Variants in SMAD3 observed in about 807,000 individuals in gnomAD.
SMAD3 encodes SMAD family member 3, also known as MAD homolog 3.
SMAD3 carries 12 observed loss-of-function variants against 51.8 expected under a neutral mutation model. The ratio of observed to expected loss-of-function variants is 0.23; its 90% CI spans 0.15 to 0.38. The LOEUF is 0.38. SMAD3 is among the 10% of genes least tolerant of loss of function. SMAD3 has a pLI of 1.00. For missense variants in SMAD3, 294 were observed against 565.6 expected, an observed-to-expected ratio of 0.52 and a Z score of 4.87; for synonymous variants, 238 against 227.7, an observed-to-expected ratio of 1.05 and a Z score of -0.41.
intron 1 of SMAD3, among the ~76,000 whole-genome samples, chr15:67,116,490 G>T (rs1169379119): frequency 2.0e-5 from 3 of 152,172 alleles, no homozygotes; most frequent in Non-Finnish European, 2.9e-5. Flanking sequence ...CTCACGGGGT[G>T]TGTGGACGTT....
At chr15:67,120,754 G>A (rs1961240003) in intron 1 of SMAD3, among the ~76,000 whole-genome samples, 1 of 152,224 alleles carries the variant, frequency 6.6e-6, no homozygotes, top group Admixed American at 6.5e-5. Context: ...TTCCTTTAGA[G>A]CAAGCTTGTC....
intron 5 of SMAD3, among the ~76,000 whole-genome samples, chr15:67,178,654 A>G (rs1962969864): frequency 7.1e-6 from 1 of 141,618 alleles, no homozygotes; most frequent in Non-Finnish European, 1.5e-5. Context: ...ACCACTCTGA[A>G]TGCTTGGGTT....
intron 5 of SMAD3, among the ~76,000 whole-genome samples, chr15:67,173,024 C>T (rs1278167708): frequency 2.0e-5 from 3 of 152,092 alleles, no homozygotes; most frequent in Non-Finnish European, 4.4e-5. Context: ...ACATAGCCAT[C>T]GAGGGGCTAC....
intron 7 of SMAD3, 149 bp downstream of exon 7, chr15:67,185,013 C>A: frequency 9.6e-7 from 1 of 1,038,408 alleles, no homozygotes; most frequent in Non-Finnish European, 1.4e-6. Flanking sequence ...TTTCTCTATG[C>A]CCACAGATCT....
intron 1 of SMAD3, among the ~76,000 whole-genome samples, chr15:67,092,275 T>C (rs765774291): frequency 2.0e-5 from 3 of 152,230 alleles, no homozygotes; most frequent in Non-Finnish European, 4.4e-5. Context: ...GGTGCAAGCC[T>C]GATGCTCTAA....
intron 1 of SMAD3, among the ~76,000 whole-genome samples, chr15:67,082,676 T>C (rs1350709378): frequency 6.6e-6 from 1 of 152,226 alleles, no homozygotes; most frequent in East Asian, 1.9e-4. Flanking sequence ...CGGACGGAAC[T>C]TTCTGCAGAT....
At chr15:67,100,314 A>G (rs765954092) in intron 1 of SMAD3, among the ~76,000 whole-genome samples, 23 of 152,092 alleles carry the variant, frequency 1.5e-4, no homozygotes, top group Admixed American at 4.6e-4. Context: ...CAGTATCCCC[A>G]TAGGCAAATT....
intron 7 of SMAD3, among the ~76,000 whole-genome samples, chr15:67,186,149 G>C (rs1471007820): frequency 6.6e-6 from 1 of 152,188 alleles, no homozygotes; most frequent in Admixed American, 6.5e-5. Flanking sequence ...CTGCCCAAGC[G>C]CACACAGCTA....
intron 1 of SMAD3, among the ~76,000 whole-genome samples, chr15:67,069,627 G>T (rs1960007111): frequency 6.6e-6 from 1 of 152,126 alleles, no homozygotes; most frequent in Non-Finnish European, 1.5e-5. Flanking sequence ...TCTTGTGTCA[G>T]AGCACCCAGT....
chr15:67,107,294 G>C (rs1013158707), intron 1 of SMAD3, among the ~76,000 whole-genome samples: 4 of 152,184 alleles, frequency 2.6e-5, no homozygotes, highest in Non-Finnish European at 5.9e-5. Flanking sequence ...AGGAAACCAA[G>C]AGAGAAGTAG....
chr15:67,152,179 G>GT (rs1197432304), intron 1 of SMAD3, among the ~76,000 whole-genome samples: 1 of 152,002 alleles, frequency 6.6e-6, no homozygotes, highest in Non-Finnish European at 1.5e-5. Flanking sequence ...CTTCTATTCT[G>GT]TTTTTACAAA....
In SMAD3 at chr15:67,165,368, C is replaced by T. The variant is rs776144459; in HGVS notation, c.516C>T (p.Pro172=). ...ENTNFPAGIE[P]QSNIPETPPP... is the part of the protein sequence containing the mutation. ...CTAACTTCCCCGCAGGCATCGAGCC[C>T]CAGAGCAATATTCCAGGTAGGCACG... is the stretch of plus-strand genomic sequence containing the variant. Residue 172 remains proline, a synonymous_variant, in exon 3 of 9, where the codon CCC becomes CCT. Transcript: ENST00000327367. The T allele has an allele frequency of 1.9e-6, 3 of 1,614,208 alleles. No individual in the cohort carries two copies. Among genetic ancestry groups the T allele is most frequent in the Non-Finnish European group, 2.5e-6 (3 of 1,180,036 alleles).
intron 6 of SMAD3, among the ~76,000 whole-genome samples, chr15:67,182,545 C>G (rs1963087276): frequency 6.6e-6 from 1 of 152,178 alleles, no homozygotes; most frequent in Non-Finnish European, 1.5e-5. Flanking sequence ...CAGGGCACCT[C>G]TGCACTCGCT....
At chr15:67,163,622 G>A (rs1962489119) in intron 1 of SMAD3, among the ~76,000 whole-genome samples, 1 of 152,152 alleles carries the variant, frequency 6.6e-6, no homozygotes, top group Non-Finnish European at 1.5e-5. Context: ...TTAGTAGGTT[G>A]GGGTAGGCGC....
intron 1 of SMAD3, among the ~76,000 whole-genome samples, chr15:67,151,876 TA>T (rs1219216337): frequency 6.6e-6 from 1 of 152,174 alleles, no homozygotes; most frequent in Non-Finnish European, 1.5e-5. Flanking sequence ...TGAATGTTAC[TA>T]TGTATGTTAC....
At chr15:67,133,472 G>A (rs1035609076) in intron 1 of SMAD3, among the ~76,000 whole-genome samples, 2 of 151,872 alleles carry the variant, frequency 1.3e-5, no homozygotes, top group Non-Finnish European at 2.9e-5. Context: ...TAAAAACAAT[G>A]AGAAGGCAAA....
intron 1 of SMAD3, among the ~76,000 whole-genome samples, chr15:67,150,847 C>T (rs982475592): frequency 0.051 from 736 of 14,570 alleles, 2 homozygotes; most frequent in South Asian, 0.066. Context: ...ATTTCTCAGT[C>T]TTTTTTTTTT....
intron 1 of SMAD3, among the ~76,000 whole-genome samples, chr15:67,090,960 C>G (rs114388804): frequency 1.3e-5 from 2 of 152,086 alleles, no homozygotes; most frequent in Non-Finnish European, 2.9e-5. Context: ...TCTTGAGCTC[C>G]GAGGAGGAAA....
At chr15:67,137,954 C>T (rs1474512557) in intron 1 of SMAD3, 3 of 1,134,082 alleles carry the variant, frequency 2.6e-6, no homozygotes, top group African/African-American at 1.5e-5. Flanking sequence ...ATTCGGACTT[C>T]TAGGAAGGGC....
Sources: gnomAD v4.1 joint callset for allele counts (sites outside exome capture counted in the v4.1 genomes callset) on GRCh38, gnomAD v4.1.1 for gene constraint, MANE v1.5 for transcripts, NCBI Gene and HGNC (gene_info 2026-07-23, HGNC 2026-07-21) for gene names.